The following FMN2 variants were observed in gnomAD, a reference collection of about 807,000 sequenced individuals.
FMN2 encodes formin 2.
A neutral mutation model predicts 142.3 loss-of-function variants in FMN2; 51 were observed. The observed-to-expected ratio is 0.36, with a 90% CI of 0.29 to 0.45. The LOEUF is 0.45. Among genes scored for constraint, FMN2 ranks in the 20% least tolerant of loss-of-function variants. The pLI, the probability that FMN2 is intolerant of heterozygous loss-of-function variation, is 1.00. For missense variants in FMN2, 1,936 were observed against 2,122.8 expected (o/e 0.91, Z 1.73); for synonymous variants, 882 against 869.8 (o/e 1.01, Z -0.25).
At chr1:240,163,939 CAT>C (rs1558330874) in intron 2 of FMN2, among the ~76,000 whole-genome samples, 1 of 152,102 alleles carries the variant, frequency 6.6e-6, no homozygotes, top group Non-Finnish European at 1.5e-5. Flanking sequence ...GTGGCATAAT[CAT>C]AGCTCACTGC....
At chr1:240,214,981 A>T (rs1376220385) in intron 6 of FMN2, among the ~76,000 whole-genome samples, 2 of 152,004 alleles carry the variant, frequency 1.3e-5, no homozygotes, top group African/African-American at 4.8e-5. Context: ...TGGGAAGATC[A>T]TCTGAGCCCA....
chr1:240,423,048 A>ATTT (rs1674827110), intron 15 of FMN2, among the ~76,000 whole-genome samples: 4 of 152,186 alleles, frequency 2.6e-5, no homozygotes, highest in Admixed American at 6.5e-5. Context: ...AGATAAAAGA[A>ATTT]ATGCCAGTTT....
intron 3 of FMN2, among the ~76,000 whole-genome samples, chr1:240,184,769 C>T (rs529260403): frequency 6.6e-6 from 1 of 151,696 alleles, no homozygotes; most frequent in Non-Finnish European, 1.5e-5. Context: ...TCGGGAGTTC[C>T]GGGAGTGATC....
chr1:240,341,522 C>T (rs1157324470), intron 13 of FMN2: 3 of 151,980 alleles, frequency 2.0e-5, no homozygotes, highest in Non-Finnish European at 2.9e-5. Flanking sequence ...CTAAACCTGT[C>T]CTCTTTTGTA....
At chr1:240,300,140 C>T (rs1479821434) in intron 8 of FMN2, among the ~76,000 whole-genome samples, 7 of 152,140 alleles carry the variant, frequency 4.6e-5, no homozygotes, top group Non-Finnish European at 8.8e-5. Context: ...AGTTGTAGTT[C>T]CAACTGCATG....
intron 7 of FMN2, among the ~76,000 whole-genome samples, chr1:240,273,303 G>A (rs1218708510): frequency 1.4e-4 from 22 of 152,202 alleles, no homozygotes; most frequent in Non-Finnish European, 5.9e-5. Context: ...TGCAACAACT[G>A]TATGAGGCAG....
intron 7 of FMN2, among the ~76,000 whole-genome samples, chr1:240,278,466 A>G (rs77968078): frequency 0.062 from 9,419 of 152,240 alleles, 305 homozygotes; most frequent in East Asian, 0.12. Context: ...CCAAAGAGGA[A>G]TTTGGGGGAG....
intron 2 of FMN2, among the ~76,000 whole-genome samples, chr1:240,139,511 G>A (rs1183197006): frequency 3.3e-5 from 5 of 151,818 alleles, no homozygotes; most frequent in East Asian, 1.9e-4. Context: ...AGAGACTGAC[G>A]TATAGATAAA....
chr1:240,440,014 G>A (rs2152556), intron 16 of FMN2, among the ~76,000 whole-genome samples: 93,412 of 152,000 alleles, frequency 0.61, 28,761 homozygotes, highest in Non-Finnish European at 0.64. Flanking sequence ...ATCATGTCTA[G>A]GATTAGAGTC....
rs568831246 is a variant in FMN2 at position 240,459,790 on chromosome 1, C to G, written c.5061-12582C>G. On this transcript the variant is annotated intron_variant, in intron 16 of 17. Transcript: ENST00000319653. ...GGAAGTATGCTAACTGTCCTTTCTT[C>G]TAGATTTTTCATTTTTAACCTCATA... is the stretch of plus-strand genomic sequence containing the variant. 3.8e-5 allele frequency among the ~76,000 whole-genome samples: 5 copies of G among 133,140 alleles called. No individual in the cohort carries two copies. The Admixed American group carries it at 4.0e-4, about 11-fold the overall frequency. 87.3% of individuals were successfully genotyped at this position (133,140 alleles called of 152,430 possible).
chr1:240,424,315 C>G (rs554523628), intron 15 of FMN2, among the ~76,000 whole-genome samples: 3 of 152,216 alleles, frequency 2.0e-5, no homozygotes, highest in Non-Finnish European at 4.4e-5. Flanking sequence ...TTGGCAGTAG[C>G]TACTGCAGAC....
intron 2 of FMN2, chr1:240,143,062 G>A: frequency 6.7e-7 from 1 of 1,502,298 alleles, no homozygotes; most frequent in East Asian, 2.3e-5. Flanking sequence ...TAGGGGCAGA[G>A]GGTAAGTGTA....
chr1:240,421,451 CTGTT>C (rs1376865818), intron 15 of FMN2, among the ~76,000 whole-genome samples: 1 of 151,932 alleles, frequency 6.6e-6, no homozygotes, highest in Non-Finnish European at 1.5e-5. Flanking sequence ...TTAGGTCTGT[CTGTT>C]TTATTTTTGT....
At chr1:240,232,269 T>C (rs1667553190) in intron 6 of FMN2, among the ~76,000 whole-genome samples, 2 of 105,090 alleles carry the variant, frequency 1.9e-5, no homozygotes, top group Non-Finnish European at 2.0e-5. Context: ...TTTTTTTTTT[T>C]TAAGTAGAGA....
At chr1:240,332,819 A>C (rs1049222236) in intron 11 of FMN2, among the ~76,000 whole-genome samples, 1 of 152,168 alleles carries the variant, frequency 6.6e-6, no homozygotes, top group African/African-American at 2.4e-5. Flanking sequence ...TACTTTGATC[A>C]CTTAGAATTT....
chr1:240,312,477 T>C (rs945601691), intron 8 of FMN2, among the ~76,000 whole-genome samples: 2 of 152,246 alleles, frequency 1.3e-5, no homozygotes, highest in African/African-American at 4.8e-5. Context: ...CCATTCTCTC[T>C]GATCTGATGA....
At chr1:240,248,849 GCCATTCGTATGTTGT>G (rs1310775543) in intron 6 of FMN2, among the ~76,000 whole-genome samples, 1 of 151,818 alleles carries the variant, frequency 6.6e-6, no homozygotes, top group Non-Finnish European at 1.5e-5. Context: ...ATACCTGTTG[GCCATTCGTATGTTGT>G]CTTTTGAGAA....
intron 2 of FMN2, among the ~76,000 whole-genome samples, chr1:240,159,941 A>ATATATATATATATATATATATTTGTG (rs1433691714): frequency 4.5e-4 from 51 of 112,888 alleles, no homozygotes; most frequent in Non-Finnish European, 8.1e-4. Context: ...ATTTGTGTAT[A>ATATATATATATATATATATATTTGTG]TATATATATC....
intron 1 of FMN2, among the ~76,000 whole-genome samples, chr1:240,122,842 C>G (rs1026892056): frequency 2.6e-5 from 4 of 152,164 alleles, no homozygotes; most frequent in African/African-American, 9.6e-5. Flanking sequence ...TGCTTGAGCC[C>G]AAGAGTTCAA....
Sources: allele counts gnomAD v4.1 joint callset (sites outside exome capture counted in the v4.1 genomes callset), GRCh38; gene constraint gnomAD v4.1.1; transcripts MANE v1.5; gene names NCBI Gene and HGNC (gene_info 2026-07-23, HGNC 2026-07-21).